Variants in ADSS1 observed in about 807,000 individuals in gnomAD.
ADSS1 encodes adenylosuccinate synthase 1, also known as adenylosuccinate synthetase isozyme 1.
ADSS1 carries 57 observed loss-of-function variants against 59.1 expected under a neutral mutation model. That is an observed-to-expected ratio of 0.97 (90% CI 0.78 to 1.20). The LOEUF is 1.20. Ranked by LOEUF, ADSS1 falls within the 50% of genes most tolerant of loss-of-function variation. ADSS1 has a pLI of 0.00. For synonymous variants in ADSS1, 247 were observed against 249.4 expected (o/e 0.99, Z 0.09); for missense variants, 603 against 610.3 (o/e 0.99, Z 0.13).
At position 104,730,444 on chromosome 14, in the gene ADSS1, C is replaced by T. The variant is rs560492692; in HGVS notation, c.193-4576C>T. ...GGCAGAGGTTGCAGTGAGCCAGGAT[C>T]ACACCATTGCACTCCAACCTGGGCG... On this transcript the variant is annotated intron_variant, in intron 1 of 12. Coordinates refer to ENST00000330877, the MANE Select transcript of ADSS1 (RefSeq NM_152328.5). Among the ~76,000 whole-genome samples, 14 of 152,186 alleles carry T rather than the reference C, an allele frequency of 9.2e-5. No individual in the cohort carries two copies. The South Asian group carries it at 2.7e-3, about 29-fold the overall frequency.
intron 1 of ADSS1, among the ~76,000 whole-genome samples, chr14:104,724,783 C>A (rs1890672926): frequency 1.3e-5 from 2 of 152,146 alleles, no homozygotes; most frequent in South Asian, 4.1e-4. Context: ...GGGTGTGACG[C>A]TGGACCCTCC....
intron 4 of ADSS1, 71 bp from the exon 5 acceptor site, chr14:104,739,679 G>A: frequency 3.3e-6 from 5 of 1,530,948 alleles, no homozygotes; most frequent in Non-Finnish European, 4.5e-6. Context: ...CAGGAGGTGA[G>A]GTCCATGTAT....
At chr14:104,728,221 G>C (rs899552613) in intron 1 of ADSS1, among the ~76,000 whole-genome samples, 2 of 152,130 alleles carry the variant, frequency 1.3e-5, no homozygotes, top group African/African-American at 4.8e-5. Context: ...AGACCTTCTG[G>C]GAGTCAGAGG....
rs1422313198 is a variant in ADSS1, at chr14:104,741,859, T to C, written c.805T>C (p.Phe269Leu). ...LLDIDFGTYPFVTSSNCTVGG... is the reference protein window; with the variant it reads ...LLDIDFGTYPLVTSSNCTVGG... ...GCTCTGTCTTGCAGGGACCTACCCC[T>C]TTGTGACTTCATCCAACTGCACCGT... The change falls in exon 9 of 13, where the codon TTT (phenylalanine) becomes CTT (leucine). Residue 269 changes from phenylalanine to leucine, a missense_variant. Physicochemically the swap from Phe to Leu is conservative, Grantham distance 22. Transcript: ENST00000330877. 6.2e-7 allele frequency: 1 copy of C among 1,613,292 alleles called. No individual in the cohort carries two copies. The highest frequency in any genetic ancestry group is 1.1e-5 in the South Asian group (1 of 91,086).
rs369576389 is a variant in ADSS1 at position 104,727,677 on chromosome 14, A to G, written c.192+3215A>G. 1.7e-4 allele frequency among the ~76,000 whole-genome samples: 26 copies of G among 151,654 alleles called. No individual in the cohort carries two copies. The East Asian group carries it at 4.9e-3, about 28-fold the overall frequency. On this transcript the variant is annotated intron_variant, in intron 1 of 12. Transcript: ENST00000330877. ...TTCCCCTGCGTGCTGTCCAGCTCCT[A>G]CCCCTCAAATGGGCAGCTGAAGGCA...
Position 104,747,013 on chromosome 14 carries a change from GA to G in ADSS1, c.*11del. 6.2e-7 allele frequency: 1 copy of G among 1,612,828 alleles called. No individual in the cohort carries two copies. The highest frequency in any genetic ancestry group is 1.1e-5 in the South Asian group (1 of 90,976). On this transcript the variant is annotated 3_prime_UTR_variant, in exon 13 of 13. Transcript: ENST00000330877. ...GATCCAGCTGTTTTAGTCACAGACT[GA>G]GCTGATCCCAACAGGCCCTGGCAGC...
Position 104,742,015 on chromosome 14 carries a change from C to A in ADSS1, c.948+13C>A. The A allele has an allele frequency of 6.2e-7, 1 of 1,611,424 alleles. No homozygotes were observed. The highest frequency in any genetic ancestry group is 1.1e-5 in the South Asian group (1 of 90,984). ...CGAGCAGATCAACGTGAGTCCCCAG[C>A]CCCTCGGGACCCCGTGGGAGGACAG... On this transcript the variant is annotated intron_variant, in intron 9 of 12. Transcript: ENST00000330877.
chr14:104,734,906 C>G (rs1219614667), intron 1 of ADSS1, 114 bp from the exon 2 acceptor site: 7 of 870,934 alleles, frequency 8.0e-6, no homozygotes, highest in Non-Finnish European at 1.3e-5. Flanking sequence ...CCAGACACCC[C>G]AAAATCCAAC....
intron 1 of ADSS1, among the ~76,000 whole-genome samples, chr14:104,732,128 C>G (rs1890953343): frequency 6.6e-6 from 1 of 152,204 alleles, no homozygotes; most frequent in Admixed American, 6.5e-5. Context: ...TGTTTGGTCC[C>G]TCCTCATCGG....
At chr14:104,736,886 A>ATATATATG (rs1384700193) in intron 2 of ADSS1, among the ~76,000 whole-genome samples, 1 of 45,426 alleles carries the variant, frequency 2.2e-5, no homozygotes, top group African/African-American at 1.2e-4. Context: ...TAGCTGATAT[A>ATATATATG]TATATATATA....
intron 11 of ADSS1, 42 bp downstream of exon 11, chr14:104,744,951 C>T (rs1202916546): frequency 1.3e-6 from 2 of 1,582,320 alleles, no homozygotes; most frequent in East Asian, 2.2e-5. Context: ...TGGGCCGTTT[C>T]ATGGTATTGG....
chr14:104,741,861 T>G lies in ADSS1; in HGVS notation c.807T>G (p.Phe269Leu), dbSNP rs750224112. ...TCTGTCTTGCAGGGACCTACCCCTT[T>G]GTGACTTCATCCAACTGCACCGTGG... ...LLDIDFGTYPFVTSSNCTVGG... is the reference protein window; with the variant it reads ...LLDIDFGTYPLVTSSNCTVGG... The change falls in exon 9 of 13, where the codon TTT becomes TTG. Residue 269 changes from phenylalanine (F) to leucine (L), a missense_variant. Coordinates refer to ENST00000330877, the MANE Select transcript of ADSS1 (RefSeq NM_152328.5). The G allele has an allele frequency of 6.2e-7, 1 of 1,613,298 alleles. No homozygotes were observed. The highest frequency in any genetic ancestry group is 1.3e-5 in the African/African-American group (1 of 75,054).
intron 1 of ADSS1, chr14:104,729,867 G>GTCGTGGGGAGGAGCGTGGCGTCGGCA (rs2140752520): frequency 6.9e-7 from 1 of 1,442,236 alleles, no homozygotes; most frequent in East Asian, 2.6e-5. Flanking sequence ...TGGCGTCGGC[G>GTCGTGGGGAGGAGCGTGGCGTCGGCA]TCGTGGGGAG....
chr14:104,741,087 C>A, intron 7 of ADSS1, 30 bp from the exon 8 acceptor site: 1 of 1,588,570 alleles, frequency 6.3e-7, no homozygotes, highest in Admixed American at 1.7e-5. Flanking sequence ...AGGCCACAGG[C>A]TCACTCTGCT....
Position 104,740,747 on chromosome 14 carries a change from G to A in ADSS1, c.584+39G>A. ...CTGCAGTCCCCGGGGAGGATGGGGA[G>A]AAGTTGCCGGAAGGGACTGTGGCTA... On this transcript the variant is annotated intron_variant, in intron 6 of 12. Coordinates refer to ENST00000330877, the MANE Select transcript of ADSS1 (RefSeq NM_152328.5). The surrounding 1 kb of genome is among the most constrained non-coding windows in gnomAD (Gnocchi z 4.8). 6.2e-7 allele frequency: 1 copy of A among 1,612,962 alleles called. No homozygotes were observed. The highest frequency in any genetic ancestry group is 1.1e-5 in the South Asian group (1 of 91,058).
At chr14:104,734,470 A>T (rs1040521864) in intron 1 of ADSS1, among the ~76,000 whole-genome samples, 1 of 152,224 alleles carries the variant, frequency 6.6e-6, no homozygotes. Flanking sequence ...TGGAGCCTGC[A>T]CATGCTAGTC....
chr14:104,731,274 G>T lies in ADSS1; in HGVS notation c.193-3746G>T, dbSNP rs566443723. On this transcript the variant is annotated intron_variant, in intron 1 of 12. Transcript: ENST00000330877. ...TCCCTGACCTGGCAAACAGTGGAAA[G>T]GTGGCATGATGTGGCCCTGCAGCTG... Among the ~76,000 whole-genome samples, 3 of 152,322 alleles carry T rather than the reference G, an allele frequency of 2.0e-5. 1 individual carries two copies. The highest frequency in any genetic ancestry group is 4.1e-4 in the South Asian group (2 of 4,830).
At position 104,741,263 on chromosome 14, in the gene ADSS1, C is replaced by G. The variant is rs200263985; in HGVS notation, c.793+20C>G. The stretch of plus-strand genomic sequence containing the variant: ...ACTTCGGTATGTCCGGGAGGGTGTG[C>G]GTGCCAACGACCTTTCGTGCCTGCC... On this transcript the variant is annotated intron_variant, in intron 8 of 12. Coordinates refer to ENST00000330877, the MANE Select transcript of ADSS1 (RefSeq NM_152328.5). The G allele has an allele frequency of 5.9e-6, 9 of 1,537,918 alleles. No homozygotes were observed. In the African/African-American group the frequency reaches 1.2e-4, roughly 21 times the overall value.
intron 11 of ADSS1, chr14:104,745,996 C>T: frequency 2.3e-6 from 1 of 439,220 alleles, no homozygotes. Flanking sequence ...GTGGGTAGCA[C>T]ATATGTGTCA....
Sources: gnomAD v4.1 joint callset for allele counts (sites outside exome capture counted in the v4.1 genomes callset) on GRCh38, gnomAD v4.1.1 for gene constraint, Gnocchi (gnomAD v3.1) non-coding constraint, MANE v1.5 for transcripts, NCBI Gene and HGNC (gene_info 2026-07-23, HGNC 2026-07-21) for gene names.